Variants in TRPM3 observed in about 807,000 individuals in gnomAD.
The protein encoded by TRPM3 is transient receptor potential cation channel subfamily M member 3, also known as long transient receptor potential channel 3.
Under a neutral mutation model 181.2 loss-of-function variants are expected in TRPM3, and 77 were observed. That is an observed-to-expected ratio of 0.42 (90% confidence interval 0.35 to 0.51). TRPM3 has a LOEUF of 0.51. Ranked by LOEUF, TRPM3 falls within the 20% of genes least tolerant of loss-of-function variation. The pLI is 0.01. For missense variants in TRPM3, 1,759 were observed against 2,196.7 expected, an observed-to-expected ratio of 0.80 and a Z score of 3.98; for synonymous variants, 745 against 796.4, an observed-to-expected ratio of 0.94 and a Z score of 1.09.
intron 1 of TRPM3, among the ~76,000 whole-genome samples, chr9:71,137,018 C>T (rs1034282218): frequency 6.6e-6 from 1 of 152,144 alleles, no homozygotes; most frequent in Non-Finnish European, 1.5e-5. Flanking sequence ...ACTCTAGCAT[C>T]TGTGTAGAAA....
chr9:71,392,607 C>T (rs137881153), intron 1 of TRPM3, among the ~76,000 whole-genome samples: 2 of 152,024 alleles, frequency 1.3e-5, no homozygotes, highest in African/African-American at 4.8e-5. Context: ...AAAGTAGTAT[C>T]TTCCCCTATG....
At chr9:71,389,481 G>C (rs2132936271) in intron 1 of TRPM3, among the ~76,000 whole-genome samples, 1 of 152,188 alleles carries the variant, frequency 6.6e-6, no homozygotes, top group Admixed American at 6.6e-5. Context: ...CCCCTCCTGG[G>C]TATCTACCCA....
intron 1 of TRPM3, among the ~76,000 whole-genome samples, chr9:71,209,621 G>A (rs950020206): frequency 1.3e-4 from 20 of 152,224 alleles, no homozygotes; most frequent in East Asian, 3.9e-4. Context: ...TAGAGACAGA[G>A]GGGAAGTTAT....
rs1032645583 is a variant in TRPM3 at position 70,597,297 on chromosome 9, C to A, written c.3048+1122G>T. Among the ~76,000 whole-genome samples the A allele has an allele frequency of 6.6e-5, 10 of 152,122 alleles. 1 individual carries two copies. Among genetic ancestry groups the A allele is most frequent in the Admixed American group, 2.6e-4 (4 of 15,276 alleles). ...GTGCTGCCCAAGCTGGTCTCAGACT[C>A]CTGGGCTCAAGTAATCTGCCTGCCT... On this transcript the variant is annotated intron_variant, in intron 21 of 25. Transcript: ENST00000677713.
intron 1 of TRPM3, among the ~76,000 whole-genome samples, chr9:71,366,940 A>G (rs1457414343): frequency 6.6e-6 from 1 of 152,168 alleles, no homozygotes; most frequent in Non-Finnish European, 1.5e-5. Flanking sequence ...TATAGAGCAA[A>G]TGAGTATTTA....
chr9:70,770,350 C>A (rs2079986818), intron 7 of TRPM3, among the ~76,000 whole-genome samples: 1 of 152,212 alleles, frequency 6.6e-6, no homozygotes, highest in South Asian at 2.1e-4. Flanking sequence ...ATGCTTAGGG[C>A]AACATCTTGC....
intron 1 of TRPM3, among the ~76,000 whole-genome samples, chr9:71,386,315 G>A (rs778151207): frequency 9.2e-5 from 14 of 151,882 alleles, no homozygotes; most frequent in Non-Finnish European, 1.5e-4. Context: ...CCGGTGTGGC[G>A]GTGCACGCGT....
At chr9:71,058,793 G>A (rs922728220) in intron 1 of TRPM3, among the ~76,000 whole-genome samples, 3 of 151,894 alleles carry the variant, frequency 2.0e-5, no homozygotes, top group Middle Eastern at 3.2e-3. Context: ...ATAATAAACA[G>A]TTGAGTTTCA....
Position 70,625,074 on chromosome 9 carries a change from T to C in TRPM3, c.1809+117A>G. The C allele has an allele frequency of 8.9e-7, 1 of 1,126,422 alleles. No homozygotes were observed. The highest frequency in any genetic ancestry group is 1.2e-6 in the Non-Finnish European group (1 of 810,808). 69.8% of individuals were successfully genotyped at this position (1,126,422 alleles called of 1,614,324 possible). ...CATTACTTTTCTTTGATTGTTTAGG[T>C]TCACTCTCAGCGCAATTTTCTGATT... On this transcript the variant is annotated intron_variant, in intron 14 of 25. Coordinates refer to ENST00000677713, the MANE Select transcript of TRPM3 (RefSeq NM_001366145.2). This position sits in a 1 kb window ranked among gnomAD's most constrained non-coding sequence, Gnocchi z 4.8.
At chr9:71,144,898 T>C (rs553029497) in intron 1 of TRPM3, among the ~76,000 whole-genome samples, 2 of 152,304 alleles carry the variant, frequency 1.3e-5, no homozygotes, top group East Asian at 1.9e-4. Context: ...TGGTAAGCTT[T>C]GTAATAATTT....
At position 70,610,678 on chromosome 9, in the gene TRPM3, C is replaced by A. The variant is rs766047994; in HGVS notation, c.2598G>T (p.Arg866=). The A allele has an allele frequency of 1.2e-6, 2 of 1,614,172 alleles. No homozygotes were observed. The highest frequency in any genetic ancestry group is 2.2e-5 in the South Asian group (2 of 91,074). ...AGATTTTTCTGCCGAGGGGGATTAACCGGTGCTTGCTCTGAACTTCCTCTT... is the reference window on the plus strand; with the variant it reads ...AGATTTTTCTGCCGAGGGGGATTAAACGGTGCTTGCTCTGAACTTCCTCTT... ...KDEEEVQSKH[R]LIPLGRKIYE... is the part of the protein sequence containing the mutation. The change falls in exon 19 of 26, where the codon CGG becomes CGT. Residue 866 remains arginine (R), a synonymous_variant. Transcript: ENST00000677713.
At chr9:71,437,998 C>T (rs10124641) in intron 1 of TRPM3, among the ~76,000 whole-genome samples, 150,044 of 152,334 alleles carry the variant, frequency 0.98, 73,930 homozygotes, top group East Asian at 1. Context: ...ACAGCCAGAA[C>T]ACATATGAAG....
intron 1 of TRPM3, among the ~76,000 whole-genome samples, chr9:71,114,388 CA>C (rs1393540350): frequency 1.3e-5 from 2 of 152,152 alleles, no homozygotes; most frequent in Non-Finnish European, 2.9e-5. Flanking sequence ...CCCACCCCAG[CA>C]GTCACAGCAC....
At chr9:70,922,774 T>C (rs2096670857) in intron 1 of TRPM3, among the ~76,000 whole-genome samples, 1 of 152,186 alleles carries the variant, frequency 6.6e-6, no homozygotes, top group Non-Finnish European at 1.5e-5. Flanking sequence ...TCAGTTATTG[T>C]AGTGCAGCTA....
intron 1 of TRPM3, among the ~76,000 whole-genome samples, chr9:70,933,578 T>A (rs1369593887): frequency 1.3e-5 from 2 of 151,850 alleles, no homozygotes; most frequent in East Asian, 3.9e-4. Context: ...TTGGAATGAG[T>A]TAAGGAGACA....
At chr9:70,664,538 C>A (rs1428412114) in intron 9 of TRPM3, among the ~76,000 whole-genome samples, 1 of 151,342 alleles carries the variant, frequency 6.6e-6, no homozygotes, top group African/African-American at 2.4e-5. Context: ...TTTGATGGAA[C>A]TTAACTTGAG....
At position 71,427,874 on chromosome 9, in the gene TRPM3, T is replaced by G. The variant is rs113581655; in HGVS notation, c.183+18779A>C. Among the ~76,000 whole-genome samples the G allele has an allele frequency of 5.3e-3, 809 of 152,154 alleles. 11 individuals are homozygous for G. Among genetic ancestry groups the G allele is most frequent in the African/African-American group, 0.019 (777 of 41,506 alleles). ...CAACCTCAGCATCACACAAAATACC[T>G]TTGTAACAAACCTGCACACGTACCC... On this transcript the variant is annotated intron_variant, in intron 1 of 24. Transcript: ENST00000357533.
At chr9:71,418,087 T>A (rs2093664730) in intron 1 of TRPM3, among the ~76,000 whole-genome samples, 2 of 151,936 alleles carry the variant, frequency 1.3e-5, no homozygotes, top group Admixed American at 1.3e-4. Context: ...TAATTTAGCT[T>A]CAATAGTGTG....
chr9:71,403,868 A>C (rs2093387787), intron 1 of TRPM3, among the ~76,000 whole-genome samples: 1 of 149,208 alleles, frequency 6.7e-6, no homozygotes, highest in African/African-American at 2.5e-5. Context: ...AAGGAGAATT[A>C]AGAATCCACA....
Sources: gnomAD v4.1 joint callset for allele counts (sites outside exome capture counted in the v4.1 genomes callset) on GRCh38, gnomAD v4.1.1 for gene constraint, Gnocchi (gnomAD v3.1) non-coding constraint, MANE v1.5 for transcripts, NCBI Gene and HGNC (gene_info 2026-07-23, HGNC 2026-07-21) for gene names.